UBE2O: variants seen among roughly 807,000 people sequenced by gnomAD.
The protein encoded by UBE2O is ubiquitin conjugating enzyme E2 O, also known as (E3-independent) E2 ubiquitin-conjugating enzyme.
A neutral mutation model predicts 125.8 loss-of-function variants in UBE2O; 15 were observed. The ratio of observed to expected loss-of-function variants is 0.12; its 90% CI spans 0.08 to 0.18. UBE2O has a LOEUF of 0.18. Among genes scored for constraint, UBE2O ranks in the 10% least tolerant of loss-of-function variants. The pLI is 1.00. For missense variants in UBE2O, 1,280 were observed against 1,723.6 expected (o/e 0.74, Z 4.56); for synonymous variants, 708 against 703.2 (o/e 1.01, Z -0.11).
chr17:76,396,819 G>C lies in UBE2O; in HGVS notation c.2118C>G (p.His706Gln). 1 of 1,582,692 alleles carries C rather than the reference G, an allele frequency of 6.3e-7. No homozygotes were observed. The highest frequency in any genetic ancestry group is 8.6e-7 in the Non-Finnish European group (1 of 1,162,600). The change falls in exon 14 of 18, where the codon CAC (histidine) becomes CAG (glutamine). Residue 706 changes from histidine (H) to glutamine (Q), a missense_variant and splice_region_variant. Transcript: ENST00000319380. The surrounding 1 kb of genome is among the most constrained non-coding windows in gnomAD (Gnocchi z 6.7). ...CAATCTCAGACTCTATGTTGTACAA[G>C]TGCTGGGGGCAGAAGGGAAGTGCCA... Reference protein sequence around the residue: ...DNSKTIILPQHLYNIESEIEE... With the variant: ...DNSKTIILPQQLYNIESEIEE...
At chr17:76,443,741 C>T (rs576666026) in intron 1 of UBE2O, among the ~76,000 whole-genome samples, 1 of 152,182 alleles carries the variant, frequency 6.6e-6, no homozygotes, top group East Asian at 1.9e-4. Flanking sequence ...CACCTAAATA[C>T]AGGTACCAGA....
At position 76,391,303 on chromosome 17, in the gene UBE2O, A is replaced by C; in HGVS notation, c.3519T>G (p.Ala1173=). The change falls in exon 18 of 18, where the codon GCT becomes GCG. Residue 1173 remains alanine (A), a synonymous_variant. Transcript: ENST00000319380. This position sits in a 1 kb window ranked among gnomAD's most constrained non-coding sequence, Gnocchi z 8.4. ...GGCCGGAGTCTGACAGCTCGGCTAC[A>C]GCTGGGGGCTCTGGCGAGCTGCTGG... ...PKASSSPEPP[A]VAELSDSGQQ... The C allele has an allele frequency of 6.2e-7, 1 of 1,612,946 alleles. No individual in the cohort carries two copies. The highest frequency in any genetic ancestry group is 8.5e-7 in the Non-Finnish European group (1 of 1,179,982).
At chr17:76,435,171 C>T (rs2072969321) in intron 1 of UBE2O, among the ~76,000 whole-genome samples, 1 of 152,132 alleles carries the variant, frequency 6.6e-6, no homozygotes, top group African/African-American at 2.4e-5. Context: ...CCAGGTTTGT[C>T]TGAATCCAAA....
chr17:76,396,663 G>A lies in UBE2O; in HGVS notation c.2274C>T (p.Pro758=), dbSNP rs768814148. 3.7e-6 allele frequency: 6 copies of A among 1,613,510 alleles called. No individual in the cohort carries two copies. Among genetic ancestry groups the A allele is most frequent in the Middle Eastern group, 1.6e-4 (1 of 6,084 alleles). ...VEDEHPKIEE[P]PIPPLEQPVA... ...CCGGCTGCTCCAGGGGTGGGATGGG[G>A]GGCTCCTCTATCTTGGGGTGCTCGT... is the stretch of plus-strand genomic sequence containing the variant. The change falls in exon 14 of 18, where the codon CCC becomes CCT. Residue 758 remains proline, a synonymous_variant. Transcript: ENST00000319380. The surrounding 1 kb of genome is among the most constrained non-coding windows in gnomAD (Gnocchi z 6.7).
In UBE2O at chr17:76,391,138, C is replaced by T; in HGVS notation, c.3684G>A (p.Val1228=). The change falls in exon 18 of 18, where the codon GTG becomes GTA. Residue 1228 remains valine, a synonymous_variant. Coordinates refer to ENST00000319380, the MANE Select transcript of UBE2O (RefSeq NM_022066.4). This position sits in a 1 kb window ranked among gnomAD's most constrained non-coding sequence, Gnocchi z 8.4. The part of the protein sequence containing the change: ...QTSETAPDAS[V]PPSVKPKKRR... ...GCTTCTTTGGTTTCACACTGGGTGG[C>T]ACCGATGCGTCTGGTGCGGTCTCCG... 1 of 1,613,932 alleles carries T rather than the reference C, an allele frequency of 6.2e-7. No individual in the cohort carries two copies. Among genetic ancestry groups the T allele is most frequent in the Non-Finnish European group, 8.5e-7 (1 of 1,179,916 alleles).
Position 76,452,893 on chromosome 17 carries a change from G to A in UBE2O, c.249C>T (p.His83=). The part of the protein sequence containing the change: ...SVHFGLVRLI[H]GEDSDSEGEE... ...CGCCCTCCGAGTCCGAGTCCTCGCC[G>A]TGGATGAGGCGCACCAGCCCGAAGT... Residue 83 remains histidine, a synonymous_variant, in exon 1 of 18, where the codon CAC becomes CAT. Coordinates refer to ENST00000319380, the MANE Select transcript of UBE2O (RefSeq NM_022066.4). The surrounding 1 kb of genome is among the most constrained non-coding windows in gnomAD (Gnocchi z 4.4). 5 of 1,497,972 alleles carry A rather than the reference G, an allele frequency of 3.3e-6. No homozygotes were observed. Among genetic ancestry groups the A allele is most frequent in the African/African-American group, 1.5e-5 (1 of 68,716 alleles). 92.8% of individuals were successfully genotyped at this position (1,497,972 alleles called of 1,614,324 possible).
At position 76,410,493 on chromosome 17, in the gene UBE2O, G is replaced by C. The variant is rs2072496501; in HGVS notation, c.418-4921C>G. Among the ~76,000 whole-genome samples the C allele has an allele frequency of 1.3e-5, 2 of 152,160 alleles. No individual in the cohort carries two copies. ...GCACCCGCAGTGCCACAGCTGAGAA[G>C]CCCTGAAGGTGCTCTGGAGACGCAG... On this transcript the variant is annotated intron_variant, in intron 1 of 17. Coordinates refer to ENST00000319380, the MANE Select transcript of UBE2O (RefSeq NM_022066.4). The surrounding 1 kb of genome is among the most constrained non-coding windows in gnomAD (Gnocchi z 4.0).
chr17:76,408,509 G>T (rs2072462014), intron 1 of UBE2O, among the ~76,000 whole-genome samples: 1 of 152,176 alleles, frequency 6.6e-6, no homozygotes, highest in Non-Finnish European at 1.5e-5. Context: ...CAAATAAAAA[G>T]CTCATCTCTC....
At position 76,392,648 on chromosome 17, in the gene UBE2O, T is replaced by C. The variant is rs139752037; in HGVS notation, c.2947-535A>G. On this transcript the variant is annotated intron_variant, in intron 15 of 17. Transcript: ENST00000319380. ...CTTATCAGGTGTTTTTCCTCATAAA[T>C]CATTACTTTAAGACTGTATTCCAGC... Among the ~76,000 whole-genome samples, 27 of 152,070 alleles carry C rather than the reference T, an allele frequency of 1.8e-4. 1 individual carries two copies. In the East Asian group the frequency reaches 2.9e-3, roughly 16 times the overall value.
At chr17:76,443,152 T>A (rs1281977455) in intron 1 of UBE2O, among the ~76,000 whole-genome samples, 1 of 152,120 alleles carries the variant, frequency 6.6e-6, no homozygotes, top group Non-Finnish European at 1.5e-5. Context: ...TGGCAGGATG[T>A]TAACAACTGC....
In UBE2O at chr17:76,399,797, G is replaced by A. The variant is rs762840507; in HGVS notation, c.1280C>T (p.Ala427Val). ...KKGESKTKSE[A>V]ESASPEETPD... is the part of the protein sequence containing the mutation. ...CGTCTCCTCAGGGCTGGCAGACTCCGCTTCGCTCTTGGTTTTGGATTCCCC... is the reference window on the plus strand; with the variant it reads ...CGTCTCCTCAGGGCTGGCAGACTCCACTTCGCTCTTGGTTTTGGATTCCCC... The change falls in exon 9 of 18, where the codon GCG (alanine) becomes GTG (valine). Residue 427 changes from alanine to valine, a missense_variant. Physicochemically the swap from Ala to Val is moderately conservative, Grantham distance 64 (BLOSUM62 0). Transcript: ENST00000319380. The surrounding 1 kb of genome is among the most constrained non-coding windows in gnomAD (Gnocchi z 6.9). 19 of 1,614,100 alleles carry A rather than the reference G, an allele frequency of 1.2e-5. No individual in the cohort carries two copies. Among genetic ancestry groups the A allele is most frequent in the Middle Eastern group, 1.6e-4 (1 of 6,084 alleles).
intron 1 of UBE2O, among the ~76,000 whole-genome samples, chr17:76,426,895 G>A (rs1477784076): frequency 6.6e-6 from 1 of 151,662 alleles, no homozygotes. Flanking sequence ...TACAGCGAAG[G>A]TCTCTTAGTA....
In UBE2O at chr17:76,391,732, ACCC is replaced by A. The variant is rs754232552; in HGVS notation, c.3208+21_3208+23del. 6.2e-7 allele frequency: 1 copy of A among 1,612,940 alleles called. No homozygotes were observed. Among genetic ancestry groups the A allele is most frequent in the Non-Finnish European group, 8.5e-7 (1 of 1,179,654 alleles). On this transcript the variant is annotated intron_variant, in intron 17 of 17. Transcript: ENST00000319380. The surrounding 1 kb of genome is among the most constrained non-coding windows in gnomAD (Gnocchi z 8.4). ...CCTCCACCGGCCCTCCCTTGTCCGC[ACCC>A]CCGCTTCAGCCCAACTGTACCTTGG...
rs1276172719 is a variant in UBE2O at position 76,402,373 on chromosome 17, G to T, written c.686+229C>A. 6.6e-6 allele frequency among the ~76,000 whole-genome samples: 1 copy of T among 152,172 alleles called. No individual in the cohort carries two copies. Among genetic ancestry groups the T allele is most frequent in the Non-Finnish European group, 1.5e-5 (1 of 68,020 alleles). On this transcript the variant is annotated intron_variant, in intron 4 of 17. Coordinates refer to ENST00000319380, the MANE Select transcript of UBE2O (RefSeq NM_022066.4). This position sits in a 1 kb window ranked among gnomAD's most constrained non-coding sequence, Gnocchi z 5.4. ...CATCAGCCTCTAGCAGATATCCTCA[G>T]TGAAAACGTTTCTCCCCATGCCAGG...
intron 1 of UBE2O, among the ~76,000 whole-genome samples, chr17:76,447,055 C>T (rs115127740): frequency 0.017 from 2,538 of 152,318 alleles, 43 homozygotes; most frequent in African/African-American, 0.045. Flanking sequence ...GCACAACTTC[C>T]ACCTATCCCA....
At position 76,402,752 on chromosome 17, in the gene UBE2O, C is replaced by T; in HGVS notation, c.589-53G>A. The T allele has an allele frequency of 6.9e-7, 1 of 1,455,104 alleles. No individual in the cohort carries two copies. Among genetic ancestry groups the T allele is most frequent in the Non-Finnish European group, 9.7e-7 (1 of 1,035,164 alleles). 90.1% of individuals were successfully genotyped at this position (1,455,104 alleles called of 1,614,324 possible). ...AGACACAGCAGACAACGTTCATGTC[C>T]AGGGCACAGATTCCTCTATGCCCCA... On this transcript the variant is annotated intron_variant, in intron 3 of 17. Transcript: ENST00000319380. The surrounding 1 kb of genome is among the most constrained non-coding windows in gnomAD (Gnocchi z 5.4).
At chr17:76,436,179 G>A (rs1242141066) in intron 1 of UBE2O, among the ~76,000 whole-genome samples, 3 of 152,042 alleles carry the variant, frequency 2.0e-5, no homozygotes, top group Admixed American at 2.0e-4. Context: ...CCCGGGAGGC[G>A]GAGGTTACAG....
At chr17:76,443,307 G>A (rs546905770) in intron 1 of UBE2O, among the ~76,000 whole-genome samples, 5 of 151,792 alleles carry the variant, frequency 3.3e-5, no homozygotes, top group South Asian at 4.2e-4. Context: ...TTTTTTCCTC[G>A]AGAAAGAGTC....
intron 1 of UBE2O, among the ~76,000 whole-genome samples, chr17:76,435,496 G>A (rs1378765493): frequency 6.6e-6 from 1 of 151,298 alleles, no homozygotes; most frequent in East Asian, 1.9e-4. Flanking sequence ...TTACGAGGCA[G>A]ACAAGCTAAT....
Sources: allele counts gnomAD v4.1 joint callset (sites outside exome capture counted in the v4.1 genomes callset), GRCh38; gene constraint gnomAD v4.1.1; non-coding constraint Gnocchi (gnomAD v3.1); transcripts MANE v1.5; gene names NCBI Gene and HGNC (gene_info 2026-07-23, HGNC 2026-07-21).